SLC41A3: variants seen among roughly 807,000 people sequenced by gnomAD.
The protein encoded by SLC41A3 is solute carrier family 41 member 3.
Under a neutral mutation model 45.4 loss-of-function variants are expected in SLC41A3, and 44 were observed. That is an observed-to-expected ratio of 0.97 (90% CI 0.76 to 1.25). The LOEUF (loss-of-function observed/expected upper bound fraction) is 1.25, where lower values mean the gene tolerates loss of function less well. Among genes scored for constraint, SLC41A3 ranks in the 50% most tolerant of loss-of-function variants. The probability of loss-of-function intolerance (pLI) is 0.00; values close to 1 mark genes in which losing one functional copy is unlikely to be tolerated. For synonymous variants in SLC41A3, 256 were observed against 252.4 expected (o/e 1.01, Z -0.13); for missense variants, 550 against 600.6 (o/e 0.92, Z 0.88).
At chr3:126,018,386 G>A (rs1245416485) in intron 6 of SLC41A3, among the ~76,000 whole-genome samples, 1 of 152,184 alleles carries the variant, frequency 6.6e-6, no homozygotes, top group African/African-American at 2.4e-5. Context: ...AGTAAAGTTA[G>A]GTCATCTTAT....
intron 2 of SLC41A3, among the ~76,000 whole-genome samples, chr3:126,059,311 G>GAAAGAAAGAAAGAAGGAAAGAAAGA (rs1576331873): frequency 1.2e-5 from 1 of 81,162 alleles, no homozygotes; most frequent in African/African-American, 4.8e-5. Context: ...AGAAAGAAAG[G>GAAAGAAAGAAAGAAGGAAAGAAAGA]AAGGATGATC....
chr3:126,081,641 T>C (rs1373364314), intron 1 of SLC41A3, among the ~76,000 whole-genome samples: 4 of 152,230 alleles, frequency 2.6e-5, no homozygotes, highest in African/African-American at 9.6e-5. Context: ...ATAAAATTTT[T>C]TTAATATAAA....
intron 1 of SLC41A3, chr3:126,095,168 G>T (rs1265643860): frequency 5.9e-6 from 4 of 680,488 alleles, no homozygotes; most frequent in African/African-American, 1.8e-5. Flanking sequence ...TGGGGTAGAG[G>T]TTATGCTTAT....
intron 4 of SLC41A3, among the ~76,000 whole-genome samples, chr3:126,028,528 C>G (rs1158292367): frequency 6.6e-6 from 1 of 152,264 alleles, no homozygotes; most frequent in Non-Finnish European, 1.5e-5. Context: ...CAGGCAGAAG[C>G]CTGCTGCAGG....
At chr3:126,080,401 C>A (rs935120199) in intron 1 of SLC41A3, among the ~76,000 whole-genome samples, 7 of 151,974 alleles carry the variant, frequency 4.6e-5, no homozygotes, top group Non-Finnish European at 1.0e-4. Context: ...GCCAAAAGAT[C>A]TGAATAGATA....
chr3:126,078,458 C>G (rs999642410), intron 1 of SLC41A3, among the ~76,000 whole-genome samples: 1 of 151,990 alleles, frequency 6.6e-6, no homozygotes, highest in Non-Finnish European at 1.5e-5. Context: ...AGCTATCGGC[C>G]GGCTCTCCAG....
At chr3:126,054,965 C>T (rs1480664822) in intron 2 of SLC41A3, among the ~76,000 whole-genome samples, 1 of 151,962 alleles carries the variant, frequency 6.6e-6, no homozygotes, top group Admixed American at 6.6e-5. Flanking sequence ...AAAGGCCACC[C>T]CAGCCCCAAA....
intron 2 of SLC41A3, chr3:126,056,780 A>G: frequency 7.3e-7 from 1 of 1,363,940 alleles, no homozygotes; most frequent in African/African-American, 1.5e-5. Flanking sequence ...CGGCCTCATT[A>G]CAGAGACTCT....
chr3:126,022,944 G>A lies in SLC41A3; in HGVS notation c.599-12C>T, dbSNP rs199882339. On this transcript the variant is annotated splice_polypyrimidine_tract_variant and intron_variant, in intron 5 of 10. Transcript: ENST00000360370. ...GACCATCAGCACCCCTGCAGAGAGAGAGAGGAGAAACAGCAGACTCAAATC... is the reference window on the plus strand; with the variant it reads ...GACCATCAGCACCCCTGCAGAGAGAAAGAGGAGAAACAGCAGACTCAAATC... The A allele has an allele frequency of 6.2e-7, 1 of 1,613,932 alleles. No individual in the cohort carries two copies. The highest frequency in any genetic ancestry group is 1.7e-5 in the Admixed American group (1 of 60,022).
chr3:126,071,077 A>T (rs1347722328), intron 1 of SLC41A3, among the ~76,000 whole-genome samples: 2 of 152,232 alleles, frequency 1.3e-5, no homozygotes, highest in Non-Finnish European at 2.9e-5. Context: ...CAATGCAGTA[A>T]TGGGGAAACA....
chr3:126,014,381 C>T (rs561218558), intron 8 of SLC41A3, among the ~76,000 whole-genome samples: 11 of 152,282 alleles, frequency 7.2e-5, no homozygotes, highest in South Asian at 4.1e-4. Flanking sequence ...TACACTCTCC[C>T]GAGGCAACTA....
intron 3 of SLC41A3, among the ~76,000 whole-genome samples, chr3:126,049,744 T>C (rs1186158163): frequency 1.3e-5 from 2 of 152,172 alleles, no homozygotes; most frequent in African/African-American, 2.4e-5. Flanking sequence ...ACAAACTTAG[T>C]GGCTTAAAAC....
upstream of SLC41A3, among the ~76,000 whole-genome samples, chr3:126,088,603 A>C (rs1043168988): frequency 6.6e-6 from 1 of 152,232 alleles, no homozygotes; most frequent in African/African-American, 2.4e-5. Context: ...AGAAAAAAAT[A>C]TATACAGATA....
chr3:126,069,235 T>C (rs1410215362), intron 1 of SLC41A3, among the ~76,000 whole-genome samples: 1 of 152,020 alleles, frequency 6.6e-6, no homozygotes, highest in Non-Finnish European at 1.5e-5. Flanking sequence ...TCCTGGACAC[T>C]TTGCACAAGC....
chr3:126,094,541 A>G (rs200348213), intron 1 of SLC41A3, among the ~76,000 whole-genome samples: 1 of 152,254 alleles, frequency 6.6e-6, no homozygotes, highest in African/African-American at 2.4e-5. Flanking sequence ...TATACAACCT[A>G]TGGGAACATT....
chr3:126,084,624 G>A (rs1945335702), upstream of SLC41A3, among the ~76,000 whole-genome samples: 1 of 152,162 alleles, frequency 6.6e-6, no homozygotes, highest in South Asian at 2.1e-4. Context: ...AAATACTCGA[G>A]TATGTTTAAT....
At chr3:126,035,615 T>G (rs1028006613) in intron 3 of SLC41A3, among the ~76,000 whole-genome samples, 2 of 152,188 alleles carry the variant, frequency 1.3e-5, no homozygotes, top group Non-Finnish European at 2.9e-5. Context: ...CCGATGGAAA[T>G]TACTAAGTGA....
chr3:126,097,191 G>A (rs1396563197), intron 1 of SLC41A3, among the ~76,000 whole-genome samples: 2 of 152,134 alleles, frequency 1.3e-5, no homozygotes, highest in Non-Finnish European at 2.9e-5. Context: ...TTAGAATTGA[G>A]CATGTGTGGT....
At chr3:126,065,414 G>C (rs1383843337) in intron 2 of SLC41A3, among the ~76,000 whole-genome samples, 2 of 152,242 alleles carry the variant, frequency 1.3e-5, no homozygotes, top group Non-Finnish European at 2.9e-5. Flanking sequence ...GCACTTTAAT[G>C]AAAAGCTTCC....
Sources: gnomAD v4.1 joint callset for allele counts (sites outside exome capture counted in the v4.1 genomes callset) on GRCh38, gnomAD v4.1.1 for gene constraint, MANE v1.5 for transcripts, NCBI Gene and HGNC (gene_info 2026-07-23, HGNC 2026-07-21) for gene names.